Variants in NPSR1 observed in about 807,000 individuals in gnomAD.
The protein encoded by NPSR1 is neuropeptide S receptor 1.
In NPSR1, 48 loss-of-function variants were observed where a neutral mutation model predicts 46.9. The observed-to-expected ratio is 1.02, with a 90% confidence interval of 0.81 to 1.30. The LOEUF (loss-of-function observed/expected upper bound fraction) is 1.30, where lower values mean the gene tolerates loss of function less well. Among genes scored for constraint, NPSR1 ranks in the 50% most tolerant of loss-of-function variants. The pLI is 0.00. For synonymous variants in NPSR1, 176 were observed against 168.1 expected (o/e 1.05, Z -0.36); for missense variants, 450 against 449.5 (o/e 1.00, Z -0.01).
chr7:34,703,453 C>T (rs945369559), intron 2 of NPSR1, among the ~76,000 whole-genome samples: 12 of 151,970 alleles, frequency 7.9e-5, no homozygotes, highest in African/African-American at 2.7e-4. Context: ...AGAACCCACA[C>T]TTGATTGTCT....
chr7:34,841,754 C>T (rs768835865), intron 6 of NPSR1, among the ~76,000 whole-genome samples: 8 of 152,106 alleles, frequency 5.3e-5, no homozygotes, highest in Non-Finnish European at 7.4e-5. Flanking sequence ...GGAAGCACTG[C>T]GGGTTTCCAT....
intron 3 of NPSR1, among the ~76,000 whole-genome samples, chr7:34,785,265 G>A (rs1013768670): frequency 1.3e-5 from 2 of 151,108 alleles, no homozygotes; most frequent in African/African-American, 4.9e-5. Flanking sequence ...ATCATTCTCA[G>A]TAAACTATTG....
chr7:34,746,963 A>T (rs997596979), intron 2 of NPSR1, among the ~76,000 whole-genome samples: 7 of 152,020 alleles, frequency 4.6e-5, no homozygotes, highest in African/African-American at 1.7e-4. Context: ...CGTGTCTATT[A>T]AAAATACAAA....
At chr7:34,738,929 C>T (rs79511367) in intron 2 of NPSR1, among the ~76,000 whole-genome samples, 1 of 152,246 alleles carries the variant, frequency 6.6e-6, no homozygotes, top group Non-Finnish European at 1.5e-5. Flanking sequence ...GCCCTAGCAA[C>T]CATGAGTCTG....
Position 34,658,454 on chromosome 7 carries a change from G to A in NPSR1, c.42G>A (p.Gly14=), listed in dbSNP as rs1334113743. ...CAGAGGGCAGCTTCGATTCCAGTGG[G>A]ACCGGGCAGACGCTGGATTCTTCCC... ...NFTEGSFDSS[G]TGQTLDSSPV... is the part of the protein sequence containing the mutation. Residue 14 remains glycine (G), a synonymous_variant, in exon 1 of 9, where the codon GGG becomes GGA. Coordinates refer to ENST00000360581, the MANE Select transcript of NPSR1 (RefSeq NM_207172.2). The A allele has an allele frequency of 6.2e-7, 1 of 1,614,070 alleles. No homozygotes were observed. Among genetic ancestry groups the A allele is most frequent in the Non-Finnish European group, 8.5e-7 (1 of 1,180,014 alleles).
intron 1 of NPSR1, among the ~76,000 whole-genome samples, chr7:34,680,994 A>G (rs1170853188): frequency 6.6e-6 from 1 of 150,872 alleles, no homozygotes; most frequent in African/African-American, 2.4e-5. Context: ...TTACTCTATG[A>G]TTACTAAGTA....
At chr7:34,858,794 G>A (rs1181975033) in intron 8 of NPSR1, among the ~76,000 whole-genome samples, 1 of 151,768 alleles carries the variant, frequency 6.6e-6, no homozygotes, top group Non-Finnish European at 1.5e-5. Context: ...CTGTCCCCAT[G>A]ATTCAGTCAT....
At chr7:34,799,007 A>G (rs981423935) in intron 3 of NPSR1, among the ~76,000 whole-genome samples, 10 of 152,158 alleles carry the variant, frequency 6.6e-5, no homozygotes, top group African/African-American at 2.4e-4. Context: ...GAAAATAAAA[A>G]AATGTGATAT....
chr7:34,818,548 C>T (rs1363386397), intron 4 of NPSR1, among the ~76,000 whole-genome samples: 1 of 152,144 alleles, frequency 6.6e-6, no homozygotes, highest in Non-Finnish European at 1.5e-5. Context: ...TGACTTTCTT[C>T]ACAGAATTGG....
At chr7:34,825,925 C>G (rs893893044) in intron 4 of NPSR1, among the ~76,000 whole-genome samples, 1 of 152,172 alleles carries the variant, frequency 6.6e-6, no homozygotes, top group South Asian at 2.1e-4. Context: ...GGACTTCCTA[C>G]TTGAAGCAAG....
rs767254511 is a variant in NPSR1, at chr7:34,811,842, C to T, written c.457C>T (p.Pro153Ser). The T allele has an allele frequency of 1.7e-5, 28 of 1,613,296 alleles. No individual in the cohort carries two copies. The highest frequency in any genetic ancestry group is 2.4e-5 in the Non-Finnish European group (28 of 1,179,628). The change falls in exon 4 of 9, where the codon CCC becomes TCC. Residue 153 changes from proline to serine, a missense_variant. By Grantham distance (74) the Pro-to-Ser change is moderately conservative. Coordinates refer to ENST00000360581, the MANE Select transcript of NPSR1 (RefSeq NM_207172.2). ...SIDRYHAIVY[P>S]MKFLQGEKQA... ...AGACAGATACCATGCCATCGTCTAC[C>T]CCATGAAGTTCCTTCAAGGAGGTGA...
chr7:34,696,771 C>G (rs867744594), intron 2 of NPSR1, among the ~76,000 whole-genome samples: 6 of 93,504 alleles, frequency 6.4e-5, no homozygotes, highest in Non-Finnish European at 1.2e-4. Flanking sequence ...AGAAACAACA[C>G]TTATAGTGGC....
intron 2 of NPSR1, among the ~76,000 whole-genome samples, chr7:34,744,097 T>C (rs1008004476): frequency 6.6e-6 from 1 of 152,192 alleles, no homozygotes; most frequent in African/African-American, 2.4e-5. Context: ...AATCTGAAGT[T>C]CTGGTGGTGG....
chr7:34,851,352 G>A (rs2128765958), downstream of NPSR1, among the ~76,000 whole-genome samples: 1 of 150,218 alleles, frequency 6.7e-6, no homozygotes, highest in Non-Finnish European at 1.5e-5. Flanking sequence ...TCTGACCTTA[G>A]GGAAAGTATC....
chr7:34,869,146 A>C lies in NPSR1; in HGVS notation c.1026-8930A>C, dbSNP rs943187867. Among the ~76,000 whole-genome samples, 10 of 151,826 alleles carry C rather than the reference A, an allele frequency of 6.6e-5. 1 individual carries two copies. The highest frequency in any genetic ancestry group is 6.5e-4 in the Admixed American group (10 of 15,270). ...GCAGAACGAATGTCTACTCCACGAC[A>C]GGGCTGCCACAGTATGGTAGCAGTC... is the stretch of plus-strand genomic sequence containing the variant. On this transcript the variant is annotated intron_variant, in intron 8 of 8. Transcript: ENST00000359791.
At chr7:34,817,561 A>T (rs1238466384) in intron 4 of NPSR1, among the ~76,000 whole-genome samples, 1 of 112,258 alleles carries the variant, frequency 8.9e-6, no homozygotes, top group African/African-American at 3.6e-5. Flanking sequence ...TCCCTAACTC[A>T]TTTTATAAGG....
chr7:34,875,791 G>C (rs1791560353), intron 8 of NPSR1, among the ~76,000 whole-genome samples: 2 of 152,092 alleles, frequency 1.3e-5, no homozygotes, highest in African/African-American at 2.4e-5. Flanking sequence ...GAAGCACAAT[G>C]ACCCTTTATT....
At chr7:34,859,817 G>A (rs1246905575) in intron 8 of NPSR1, among the ~76,000 whole-genome samples, 6 of 151,732 alleles carry the variant, frequency 4.0e-5, no homozygotes, top group Admixed American at 2.6e-4. Context: ...ACTCACCCAG[G>A]CGATTCATCC....
chr7:34,830,377 T>C (rs1584112950), intron 5 of NPSR1, among the ~76,000 whole-genome samples: 1 of 152,204 alleles, frequency 6.6e-6, no homozygotes, highest in East Asian at 1.9e-4. Flanking sequence ...CATATCTTAG[T>C]TGTTTTATTT....
Sources: gnomAD v4.1 joint callset for allele counts (sites outside exome capture counted in the v4.1 genomes callset) on GRCh38, gnomAD v4.1.1 for gene constraint, MANE v1.5 for transcripts, NCBI Gene and HGNC (gene_info 2026-07-23, HGNC 2026-07-21) for gene names.